Variants in SORCS2 observed in about 807,000 individuals in gnomAD.
The protein encoded by SORCS2 is sortilin related VPS10 domain containing receptor 2.
Under a neutral mutation model 141.6 loss-of-function variants are expected in SORCS2, and 100 were observed. That is an observed-to-expected ratio of 0.71 (90% CI 0.60 to 0.83). The LOEUF (loss-of-function observed/expected upper bound fraction) is 0.83. SORCS2 is among the 40% of genes least tolerant of loss of function. The pLI is 0.00. For missense variants in SORCS2, 1,646 were observed against 1,560.2 expected (o/e 1.05, Z -0.93); for synonymous variants, 789 against 676.9 (o/e 1.17, Z -2.57).
intron 2 of SORCS2, chr4:7,434,493 G>C: frequency 6.2e-7 from 1 of 1,612,108 alleles, no homozygotes; most frequent in African/African-American, 1.3e-5. Context: ...CCTGTGCCGG[G>C]GCACTGTCCG....
rs1251067656 is a variant in SORCS2 at position 7,740,944 on chromosome 4, G to T, written c.*680G>T. On this transcript the variant is annotated 3_prime_UTR_variant, in exon 27 of 27. Coordinates refer to ENST00000507866, the MANE Select transcript of SORCS2 (RefSeq NM_020777.3). ...TACTCGGGAGCCCCTTTCCCTGAGT[G>T]CCCAGGGTGTCTCCTCTGCCCAGAG... is the stretch of plus-strand genomic sequence containing the variant. 2.5e-6 allele frequency: 1 copy of T among 398,178 alleles called. No individual in the cohort carries two copies. The highest frequency in any genetic ancestry group is 3.6e-5 in the East Asian group (1 of 28,062). The allele number at this position is 398,178 out of a possible 1,614,324, so 24.7% of individuals were successfully genotyped here.
At chr4:7,426,654 T>C (rs775184104) in intron 2 of SORCS2, among the ~76,000 whole-genome samples, 12 of 151,920 alleles carry the variant, frequency 7.9e-5, no homozygotes, top group Non-Finnish European at 1.3e-4. Context: ...GGCCCTGGGG[T>C]GTGCTCGATG....
chr4:7,684,176 G>A (rs965568596), intron 10 of SORCS2, among the ~76,000 whole-genome samples: 13 of 152,132 alleles, frequency 8.5e-5, no homozygotes, highest in Non-Finnish European at 1.6e-4. Context: ...TGGGAGAAGG[G>A]TCTAGTGTTA....
chr4:7,433,380 G>A (rs1225794968), intron 2 of SORCS2: 11 of 1,489,924 alleles, frequency 7.4e-6, no homozygotes, highest in Admixed American at 2.5e-5. Flanking sequence ...GTTGCACAGC[G>A]TTGCACAGCT....
chr4:7,482,735 G>A (rs11731679), intron 2 of SORCS2, among the ~76,000 whole-genome samples: 1,146 of 67,438 alleles, frequency 0.017, 15 homozygotes, highest in African/African-American at 0.042. Context: ...CTGTATCCCC[G>A]CTGCGGACAC....
At chr4:7,443,381 A>G (rs1727799089) in intron 2 of SORCS2, among the ~76,000 whole-genome samples, 1 of 152,152 alleles carries the variant, frequency 6.6e-6, no homozygotes, top group Non-Finnish European at 1.5e-5. Flanking sequence ...CCTAGGACTC[A>G]CCAGTCTCTG....
At chr4:7,312,383 C>T (rs988784131) in intron 1 of SORCS2, among the ~76,000 whole-genome samples, 18 of 152,216 alleles carry the variant, frequency 1.2e-4, no homozygotes, top group African/African-American at 2.4e-5. Flanking sequence ...TGCACCCAAG[C>T]TGGGATGCCC....
chr4:7,695,876 GTGGATGGATGGA>G (rs1299827624), intron 11 of SORCS2, among the ~76,000 whole-genome samples: 6 of 27,686 alleles, frequency 2.2e-4, no homozygotes, highest in East Asian at 1.6e-3. Context: ...GGGTGGGTGG[GTGGATGGATGGA>G]TGGATGGATG....
intron 2 of SORCS2, among the ~76,000 whole-genome samples, chr4:7,524,452 C>T (rs1336714821): frequency 6.6e-6 from 1 of 151,838 alleles, no homozygotes; most frequent in Non-Finnish European, 1.5e-5. Context: ...GGGACCCTAA[C>T]CCATCACCTC....
At chr4:7,462,896 A>G (rs867334463) in intron 2 of SORCS2, among the ~76,000 whole-genome samples, 3 of 150,962 alleles carry the variant, frequency 2.0e-5, no homozygotes, top group Non-Finnish European at 2.9e-5. Flanking sequence ...CAAAAAACAA[A>G]TAAAGAAATG....
At chr4:7,661,620 C>T (rs1422656888) in intron 6 of SORCS2, 56 bp downstream of exon 6, 5 of 1,487,202 alleles carry the variant, frequency 3.4e-6, no homozygotes, top group Non-Finnish European at 4.6e-6. Flanking sequence ...GCACCCGACA[C>T]AGCTCGGCTG....
intron 1 of SORCS2, among the ~76,000 whole-genome samples, chr4:7,250,986 G>T (rs529125998): frequency 6.6e-6 from 1 of 152,382 alleles, no homozygotes; most frequent in East Asian, 1.9e-4. Context: ...TGGGCATTAG[G>T]AGGGTAGAAT....
At chr4:7,478,722 G>A (rs1730449135) in intron 2 of SORCS2, among the ~76,000 whole-genome samples, 1 of 152,176 alleles carries the variant, frequency 6.6e-6, no homozygotes, top group Non-Finnish European at 1.5e-5. Context: ...ATGAATGAGA[G>A]TGTCTATAAC....
At chr4:7,547,712 C>A (rs1303486655) in intron 3 of SORCS2, among the ~76,000 whole-genome samples, 1 of 152,220 alleles carries the variant, frequency 6.6e-6, no homozygotes, top group Non-Finnish European at 1.5e-5. Context: ...CTGCTCTTCC[C>A]TGCATGCACA....
chr4:7,689,798 C>A (rs1242745974), intron 11 of SORCS2, among the ~76,000 whole-genome samples: 2 of 152,150 alleles, frequency 1.3e-5, no homozygotes, highest in Non-Finnish European at 2.9e-5. Context: ...TATGTGTTGG[C>A]AGAATGGAAA....
At chr4:7,418,390 G>T (rs758667816) in intron 2 of SORCS2, among the ~76,000 whole-genome samples, 1 of 152,078 alleles carries the variant, frequency 6.6e-6, no homozygotes, top group African/African-American at 2.4e-5. Flanking sequence ...GTGCTCTCCC[G>T]CCAAGACTTC....
At chr4:7,327,057 C>T (rs11938940) in intron 1 of SORCS2, among the ~76,000 whole-genome samples, 1 of 152,132 alleles carries the variant, frequency 6.6e-6, no homozygotes, top group Admixed American at 6.5e-5. Flanking sequence ...ATCCAGCTCT[C>T]CCCTGTCCCT....
In SORCS2 at chr4:7,276,570, C is replaced by G. The variant is rs76449561; in HGVS notation, c.480+83444C>G. 9.5e-3 allele frequency among the ~76,000 whole-genome samples: 1,445 copies of G among 152,286 alleles called. 21 individuals carry two copies. The highest frequency in any genetic ancestry group is 0.033 in the African/African-American group (1,364 of 41,550). ...TTATTGCTGCCGCTTCCTGCCTCCC[C>G]CGCTCCAGGCCCCGGGAAACGCACT... On this transcript the variant is annotated intron_variant, in intron 1 of 26. Transcript: ENST00000507866.
chr4:7,637,754 G>C (rs751115943), intron 3 of SORCS2, among the ~76,000 whole-genome samples: 101 of 152,112 alleles, frequency 6.6e-4, no homozygotes, highest in Non-Finnish European at 2.6e-4. Flanking sequence ...GATGGCTACA[G>C]TTAGGCTGAG....
Sources: gnomAD v4.1 joint callset for allele counts (sites outside exome capture counted in the v4.1 genomes callset) on GRCh38, gnomAD v4.1.1 for gene constraint, MANE v1.5 for transcripts, NCBI Gene and HGNC (gene_info 2026-07-23, HGNC 2026-07-21) for gene names.